Variants in FOXN3 observed in about 807,000 individuals in gnomAD.
FOXN3 encodes forkhead box protein N3.
Under a neutral mutation model 38.4 loss-of-function variants are expected in FOXN3, and 7 were observed. That is an observed-to-expected ratio of 0.18 (90% CI 0.10 to 0.34). FOXN3 has a LOEUF of 0.34. FOXN3 is among the 10% of genes least tolerant of loss of function. The probability of loss-of-function intolerance (pLI) is 1.00; values close to 1 mark genes in which losing one functional copy is unlikely to be tolerated. For missense variants in FOXN3, 456 were observed against 613.4 expected (o/e 0.74, Z 2.71); for synonymous variants, 230 against 242.2 (o/e 0.95, Z 0.47).
chr14:89,547,294 G>T (rs531826077), intron 1 of FOXN3, among the ~76,000 whole-genome samples: 3 of 150,200 alleles, frequency 2.0e-5, no homozygotes, highest in East Asian at 2.0e-4. Context: ...TTGCTCTGTT[G>T]CCCAGGCTGG....
chr14:89,207,165 G>A (rs958208644), intron 4 of FOXN3, among the ~76,000 whole-genome samples: 1 of 152,020 alleles, frequency 6.6e-6, no homozygotes, highest in Admixed American at 6.5e-5. Context: ...AGGTTGCAGT[G>A]AGCCGAGACG....
At chr14:89,561,315 C>A (rs947606191) in intron 1 of FOXN3, among the ~76,000 whole-genome samples, 1 of 152,238 alleles carries the variant, frequency 6.6e-6, no homozygotes, top group Admixed American at 6.5e-5. Flanking sequence ...CAGGTTGAAG[C>A]AATTCTCTTG....
chr14:89,205,343 G>A (rs768127223), intron 4 of FOXN3, among the ~76,000 whole-genome samples: 15 of 152,130 alleles, frequency 9.9e-5, no homozygotes, highest in South Asian at 2.1e-4. Context: ...GGGAAGTGCC[G>A]GGTACAGAAG....
At chr14:89,616,766 G>C (rs1896503829) in intron 1 of FOXN3, among the ~76,000 whole-genome samples, 1 of 152,132 alleles carries the variant, frequency 6.6e-6, no homozygotes, top group African/African-American at 2.4e-5. Context: ...ATTGTTCTTA[G>C]CCTTCCCTTG....
intron 4 of FOXN3, among the ~76,000 whole-genome samples, chr14:89,189,696 C>T (rs1011944264): frequency 6.6e-6 from 1 of 152,132 alleles, no homozygotes; most frequent in African/African-American, 2.4e-5. Flanking sequence ...TAGACTATCT[C>T]CAGAGATGGT....
chr14:89,607,819 T>C (rs1313863846), intron 1 of FOXN3, among the ~76,000 whole-genome samples: 2 of 4,748 alleles, frequency 4.2e-4, no homozygotes, highest in East Asian at 0.12. Context: ...CATGCTATCT[T>C]TTTTTTTTTT....
At chr14:89,386,448 C>T (rs17125800) in intron 2 of FOXN3, among the ~76,000 whole-genome samples, 3,443 of 152,292 alleles carry the variant, frequency 0.023, 125 homozygotes, top group African/African-American at 0.077. Context: ...AGGGCTGCAA[C>T]GTGAAGTCAT....
intron 4 of FOXN3, among the ~76,000 whole-genome samples, chr14:89,270,482 C>A (rs1174754120): frequency 1.3e-5 from 2 of 152,222 alleles, no homozygotes; most frequent in Non-Finnish European, 2.9e-5. Context: ...TTAATTCTCA[C>A]AAAATCCCAT....
chr14:89,294,539 A>C (rs1429387102), intron 3 of FOXN3, among the ~76,000 whole-genome samples: 1 of 152,188 alleles, frequency 6.6e-6, no homozygotes, highest in Non-Finnish European at 1.5e-5. Context: ...CAGATGGTGA[A>C]GGCATTCTAA....
At chr14:89,394,102 C>T (rs141078978) in intron 2 of FOXN3, among the ~76,000 whole-genome samples, 1 of 152,104 alleles carries the variant, frequency 6.6e-6, no homozygotes, top group East Asian at 1.9e-4. Flanking sequence ...TATAAGGAAC[C>T]CACTCCCACA....
At chr14:89,209,497 C>T (rs1362444645) in intron 4 of FOXN3, among the ~76,000 whole-genome samples, 1 of 152,200 alleles carries the variant, frequency 6.6e-6, no homozygotes, top group African/African-American at 2.4e-5. Flanking sequence ...GACAATGTCA[C>T]ACCACAACAT....
At chr14:89,510,338 A>G (rs923942978) in intron 1 of FOXN3, among the ~76,000 whole-genome samples, 3 of 152,222 alleles carry the variant, frequency 2.0e-5, no homozygotes, top group South Asian at 2.1e-4. Context: ...TCCAAAACTC[A>G]TAAGAGGGAT....
intron 3 of FOXN3, among the ~76,000 whole-genome samples, chr14:89,322,809 C>A (rs1048331633): frequency 6.6e-6 from 1 of 152,066 alleles, no homozygotes; most frequent in Non-Finnish European, 1.5e-5. Flanking sequence ...GAAGGTCATC[C>A]ATCCATCCAT....
chr14:89,487,683 A>C (rs959464956), intron 1 of FOXN3, among the ~76,000 whole-genome samples: 1 of 152,216 alleles, frequency 6.6e-6, no homozygotes, highest in Non-Finnish European at 1.5e-5. Context: ...AGGGATGAAG[A>C]GTCAGAGATG....
chr14:89,187,261 C>T (rs1047056958), intron 4 of FOXN3, among the ~76,000 whole-genome samples: 5 of 152,230 alleles, frequency 3.3e-5, no homozygotes, highest in Admixed American at 3.3e-4. Flanking sequence ...AATAGCACCG[C>T]ACGAGGAAGC....
At chr14:89,393,838 C>A (rs192924073) in intron 2 of FOXN3, among the ~76,000 whole-genome samples, 47 of 152,324 alleles carry the variant, frequency 3.1e-4, no homozygotes, top group African/African-American at 1.1e-3. Context: ...AGAGGTACAA[C>A]TTGTCTAGAG....
At chr14:89,371,938 G>A (rs1890329456) in intron 2 of FOXN3, among the ~76,000 whole-genome samples, 1 of 151,988 alleles carries the variant, frequency 6.6e-6, no homozygotes, top group South Asian at 2.1e-4. Flanking sequence ...GTTCCCTGGG[G>A]GTAGCCTGCC....
At chr14:89,323,927 T>C (rs1315034586) in intron 3 of FOXN3, among the ~76,000 whole-genome samples, 1 of 152,118 alleles carries the variant, frequency 6.6e-6, no homozygotes, top group Non-Finnish European at 1.5e-5. Context: ...TAACCTTGGA[T>C]GTGTTTTAGA....
chr14:89,321,689 G>T (rs1372422485), intron 3 of FOXN3, among the ~76,000 whole-genome samples: 1 of 152,156 alleles, frequency 6.6e-6, no homozygotes, highest in Non-Finnish European at 1.5e-5. Flanking sequence ...TTCAAAAGAG[G>T]TTGTCTTTGT....
Sources: gnomAD v4.1 joint callset for allele counts (sites outside exome capture counted in the v4.1 genomes callset) on GRCh38, gnomAD v4.1.1 for gene constraint, MANE v1.5 for transcripts, NCBI Gene and HGNC (gene_info 2026-07-23, HGNC 2026-07-21) for gene names.